OR1S1: variants seen among roughly 807,000 people sequenced by gnomAD.
OR1S1 encodes the protein olfactory receptor family 1 subfamily S member 1.
For missense variants in OR1S1, 411 were observed against 367.5 expected (o/e 1.12, Z -0.97); for synonymous variants, 156 against 143.9 (o/e 1.08, Z -0.60).
chr11:58,213,853 T>C (rs770692911), intron 1 of OR1S1, among the ~76,000 whole-genome samples: 1 of 152,080 alleles, frequency 6.6e-6, no homozygotes, highest in African/African-American at 2.4e-5. Flanking sequence ...CTCTCTTTCA[T>C]AAGAGACCCA....
chr11:58,215,880 T>G, exon 2 of OR1S1: 1 of 890,190 alleles, frequency 1.1e-6, no homozygotes, highest in Non-Finnish European at 1.7e-6. Flanking sequence ...CACTTAGCTC[T>G]TGTCTTGGAA....
chr11:58,215,813 G>A, exon 2 of OR1S1: 8 of 1,469,952 alleles, frequency 5.4e-6, no homozygotes, highest in Non-Finnish European at 6.4e-6. Context: ...TTCAACTTTT[G>A]ATGAACTTGC....
rs146519463 is a variant in OR1S1, at chr11:58,214,961, T to C, written c.178T>C (p.Tyr60His). The C allele has an allele frequency of 7.1e-4, 1,151 of 1,614,138 alleles. 12 individuals are homozygous for C. In the African/African-American group the frequency reaches 0.014, roughly 19 times the overall value. ...GGATACGTACCTTCATACCCCCATG[T>C]ATCTCTTCCTTGCCAATCTATCCTT... Residue 60 changes from tyrosine (Y) to histidine (H), a missense_variant, in exon 2 of 2, where the codon TAT becomes CAT. Tyr to His is a moderately conservative substitution (Grantham distance 83, BLOSUM62 2). Coordinates refer to ENST00000641544, the Ensembl canonical transcript of OR1S1.
intron 1 of OR1S1, 64 bp from the exon 2 acceptor site, chr11:58,214,665 A>G: frequency 8.0e-7 from 1 of 1,257,570 alleles, no homozygotes; most frequent in Non-Finnish European, 1.1e-6. Context: ...TCCACTTAAT[A>G]AGCAGAAGAA....
At chr11:58,214,704 C>T (rs771065015) in intron 1 of OR1S1, 25 bp from the exon 2 acceptor site, 1 of 1,584,146 alleles carries the variant, frequency 6.3e-7, no homozygotes. Context: ...ACTGCAATGG[C>T]TGCAGCCAAA....
intron 1 of OR1S1, among the ~76,000 whole-genome samples, 190 bp from the exon 2 acceptor site, chr11:58,214,539 G>A (rs1386713778): frequency 6.6e-6 from 1 of 152,172 alleles, no homozygotes; most frequent in Non-Finnish European, 1.5e-5. Context: ...ATCACATTCA[G>A]AATCCTGTTA....
chr11:58,215,478 A>T (rs2120067229), exon 2 of OR1S1: 1 of 1,614,154 alleles, frequency 6.2e-7, no homozygotes, highest in South Asian at 1.1e-5. Flanking sequence ...TCTTCCACAC[A>T]GGGAAAGTGG....
At chr11:58,215,440 C>G (rs1852923371) in exon 2 of OR1S1, 10 of 1,614,152 alleles carry the variant, frequency 6.2e-6, no homozygotes, top group Non-Finnish European at 8.5e-6. Flanking sequence ...TTTCCTATGT[C>G]TGCATCATCA....
In OR1S1 at chr11:58,215,226, C is replaced by G; in HGVS notation, c.443C>G (p.Ser148Ter). ...TTCGGCATTTTGCTCACAGTCATCT[C>G]ATGGTTCCTCAGTAATATTATTGCT... Residue 148 changes from serine to a stop codon, truncating the protein, a stop_gained, in exon 2 of 2, where the codon TCA (serine) becomes TGA (stop). Coordinates refer to ENST00000641544, the Ensembl canonical transcript of OR1S1. LOFTEE classifies it low-confidence loss of function (END_TRUNC). 2 of 1,614,144 alleles carry G rather than the reference C, an allele frequency of 1.2e-6. No individual in the cohort carries two copies. Among genetic ancestry groups the G allele is most frequent in the African/African-American group, 2.7e-5 (2 of 75,028 alleles).
exon 2 of OR1S1, chr11:58,215,672 A>G (rs1207964651): frequency 1.9e-6 from 3 of 1,613,968 alleles, no homozygotes; most frequent in East Asian, 2.2e-5. Flanking sequence ...GAATAAGGAT[A>G]TGAAAGGTGC....
intron 1 of OR1S1, among the ~76,000 whole-genome samples, chr11:58,214,151 C>T (rs1240745156): frequency 6.6e-6 from 1 of 152,084 alleles, no homozygotes; most frequent in African/African-American, 2.4e-5. Context: ...GTATGTGTGC[C>T]CCCTAAATTT....
At chr11:58,213,811 G>A (rs1398414451) in intron 1 of OR1S1, among the ~76,000 whole-genome samples, 1 of 152,084 alleles carries the variant, frequency 6.6e-6, no homozygotes, top group African/African-American at 2.4e-5. Flanking sequence ...CCTGACAAGG[G>A]CAATGAATTA....
At chr11:58,215,010 A>G (rs1852911766) in exon 2 of OR1S1, 2 of 1,613,876 alleles carry the variant, frequency 1.2e-6, no homozygotes, top group Non-Finnish European at 8.5e-7. Context: ...TCCATTTCCA[A>G]CTCAGTCCCC....
intron 1 of OR1S1, among the ~76,000 whole-genome samples, chr11:58,213,773 C>T (rs1173751539): frequency 2.6e-5 from 4 of 152,146 alleles, no homozygotes; most frequent in Non-Finnish European, 5.9e-5. Flanking sequence ...CAGGGGCTCC[C>T]GTTTGGGACT....
chr11:58,215,765 A>C, exon 2 of OR1S1: 1 of 1,578,894 alleles, frequency 6.3e-7, no homozygotes. Context: ...TAATCAGATA[A>C]ATGATTCAGC....
exon 2 of OR1S1, chr11:58,215,048 A>G: frequency 6.2e-7 from 1 of 1,614,192 alleles, no homozygotes. Context: ...TCAAACCAAG[A>G]GTCAATCCAT....
Position 58,214,715 on chromosome 11 carries a change from T to C in OR1S1, c.-55-14T>C. 6.2e-7 allele frequency: 1 copy of C among 1,600,334 alleles called. No homozygotes were observed. ...ACTTACTGCAATGGCTGCAGCCAAA[T>C]GATACCATGTTAGGTTTTCTTGTAG... On this transcript the variant is annotated splice_polypyrimidine_tract_variant and intron_variant, in intron 1 of 1. Coordinates refer to ENST00000641544, the Ensembl canonical transcript of OR1S1.
At chr11:58,215,159 A>T in exon 2 of OR1S1, 9 of 1,614,108 alleles carry the variant, frequency 5.6e-6, no homozygotes, top group Non-Finnish European at 7.6e-6. Context: ...CTTTGTGGCG[A>T]TCTGCCACCC....
At chr11:58,215,591 A>C in exon 2 of OR1S1, 1 of 1,614,112 alleles carries the variant, frequency 6.2e-7, no homozygotes, top group African/African-American at 1.3e-5. Flanking sequence ...CCCTGAGGAC[A>C]CTGATAAGAT....
Sources: gnomAD v4.1 joint callset for allele counts (sites outside exome capture counted in the v4.1 genomes callset) on GRCh38, gnomAD v4.1.1 for gene constraint, MANE v1.5 for transcripts, NCBI Gene and HGNC (gene_info 2026-07-23, HGNC 2026-07-21) for gene names.